Variants in SMIM10L2A observed in about 807,000 individuals in gnomAD.
The protein encoded by SMIM10L2A is small integral membrane protein 10-like protein 2A.
Under a neutral mutation model 3.0 loss-of-function variants are expected in SMIM10L2A, and 2 were observed. The ratio of observed to expected loss-of-function variants is 0.66; its 90% CI spans 0.27 to 2.08. The LOEUF is 2.08. Ranked by LOEUF, SMIM10L2A falls within the 30% of genes most tolerant of loss-of-function variation. The pLI, the probability that SMIM10L2A is intolerant of heterozygous loss-of-function variation, is 0.14. For missense variants in SMIM10L2A, 59 were observed against 66.5 expected (o/e 0.89, Z 0.39); for synonymous variants, 29 against 34.8 (o/e 0.83, Z 0.58).
At position 135,426,840 on chromosome X, in the gene SMIM10L2A, G is replaced by A. The variant is rs1408187745; in HGVS notation, c.*3570G>A. The A allele has an allele frequency of 8.8e-6, 1 of 113,199 alleles. No individual in the cohort carries two copies. Among genetic ancestry groups the A allele is most frequent in the Non-Finnish European group, 1.9e-5 (1 of 53,372 alleles). 9.3% of individuals were successfully genotyped at this position (113,199 alleles called of 1,213,427 possible). On this transcript the variant is annotated 3_prime_UTR_variant, in exon 2 of 2. Transcript: ENST00000417443. The stretch of plus-strand genomic sequence containing the variant: ...GGACTCCAGGAGACCAAAGCCCTGA[G>A]CCCTGAGCCCAGCTCTTCCACTTAC...
rs1323567827 is a variant in SMIM10L2A, at chrX:135,424,637, T to C, written c.*1367T>C. On this transcript the variant is annotated 3_prime_UTR_variant, in exon 2 of 2. Transcript: ENST00000417443. ...CATCTATCCCCATTTCCGCATCTCT[T>C]GCACTGGTACCCCGGGCGCCACGTT... 9.0e-6 allele frequency: 1 copy of C among 111,374 alleles called. No homozygotes were observed. The highest frequency in any genetic ancestry group is 2.8e-4 in the East Asian group (1 of 3,510). The allele number at this position is 111,374 out of a possible 1,213,427, so 9.2% of individuals were successfully genotyped here. A position where few individuals can be genotyped will look rare whatever the true frequency, so the allele number is the denominator to read the frequency against.
At position 135,427,977 on chromosome X, in the gene SMIM10L2A, G is replaced by A. The variant is rs1382818778; in HGVS notation, c.*4707G>A. On this transcript the variant is annotated 3_prime_UTR_variant, in exon 2 of 2. Coordinates refer to ENST00000417443, the MANE Select transcript of SMIM10L2A (RefSeq NM_203306.3). The stretch of plus-strand genomic sequence containing the variant: ...GGCTTTTGATACTCTCCAGAGTTGG[G>A]ATACCAAGTCACACTACTCACTGGA... 1.8e-5 allele frequency: 2 copies of A among 111,692 alleles called. No individual in the cohort carries two copies. Among genetic ancestry groups the A allele is most frequent in the Non-Finnish European group, 1.9e-5 (1 of 53,189 alleles). The allele number at this position is 111,692 out of a possible 1,213,427, so 9.2% of individuals were successfully genotyped here.
At position 135,425,540 on chromosome X, in the gene SMIM10L2A, C is replaced by G. The variant is rs1277604836; in HGVS notation, c.*2270C>G. The G allele has an allele frequency of 8.9e-6, 1 of 112,008 alleles. No homozygotes were observed. The highest frequency in any genetic ancestry group is 9.4e-5 in the Admixed American group (1 of 10,642). The allele number at this position is 112,008 out of a possible 1,213,427, so 9.2% of individuals were successfully genotyped here. On this transcript the variant is annotated 3_prime_UTR_variant, in exon 2 of 2. Transcript: ENST00000417443. ...TCTCTCCCAGATGGGGCCCTTGCTG[C>G]GTGACGGGGTCTCCATGCGCTTTAT... is the stretch of plus-strand genomic sequence containing the variant.
Position 135,426,760 on chromosome X carries a change from C to T in SMIM10L2A, c.*3490C>T, listed in dbSNP as rs1376444005. The T allele has an allele frequency of 1.8e-5, 2 of 112,868 alleles. No homozygotes were observed. The highest frequency in any genetic ancestry group is 6.4e-5 in the African/African-American group (2 of 31,101). 9.3% of individuals were successfully genotyped at this position (112,868 alleles called of 1,213,427 possible). ...AAGGCTTCTTGAAGAGGGAGGATCA[C>T]CCCTCCCATCCCTGCTACAGAGGAA... On this transcript the variant is annotated 3_prime_UTR_variant, in exon 2 of 2. Transcript: ENST00000417443.
At chrX:135,422,964 C>T (rs1397164758) in intron 1 of SMIM10L2A, among the ~76,000 whole-genome samples, 10 of 111,750 alleles carry the variant, frequency 8.9e-5, no homozygotes, top group African/African-American at 2.9e-4. Context: ...GTGCCTGCCT[C>T]CCTTTCTGCA....
At chrX:135,423,019 T>C (rs1345112484) in intron 1 of SMIM10L2A, among the ~76,000 whole-genome samples, 1 of 109,724 alleles carries the variant, frequency 9.1e-6, no homozygotes, top group Non-Finnish European at 1.9e-5. Context: ...TGGAGGGTAA[T>C]GGGCTGGGGG....
rs1200828718 is a variant in SMIM10L2A, at chrX:135,425,546, G to C, written c.*2276G>C. 1 of 111,958 alleles carries C rather than the reference G, an allele frequency of 8.9e-6. No individual in the cohort carries two copies. Among genetic ancestry groups the C allele is most frequent in the Admixed American group, 9.4e-5 (1 of 10,631 alleles). The allele number at this position is 111,958 out of a possible 1,213,427, so 9.2% of individuals were successfully genotyped here. A position where few individuals can be genotyped will look rare whatever the true frequency, so the allele number is the denominator to read the frequency against. On this transcript the variant is annotated 3_prime_UTR_variant, in exon 2 of 2. Coordinates refer to ENST00000417443, the MANE Select transcript of SMIM10L2A (RefSeq NM_203306.3). ...CCAGATGGGGCCCTTGCTGCGTGAC[G>C]GGGTCTCCATGCGCTTTATTTATTT... is the stretch of plus-strand genomic sequence containing the variant.
Position 135,425,871 on chromosome X carries a change from C to G in SMIM10L2A, c.*2601C>G, listed in dbSNP as rs1426120534. ...GTTGGCAGGGAGAAGCCTCTGAGGG[C>G]TAGGGCTGGGGGAGGCTGTGGCAGG... On this transcript the variant is annotated 3_prime_UTR_variant, in exon 2 of 2. Coordinates refer to ENST00000417443, the MANE Select transcript of SMIM10L2A (RefSeq NM_203306.3). 9.0e-6 allele frequency: 1 copy of G among 111,546 alleles called. No homozygotes were observed. Among genetic ancestry groups the G allele is most frequent in the African/African-American group, 3.3e-5 (1 of 30,638 alleles). 9.2% of individuals were successfully genotyped at this position (111,546 alleles called of 1,213,427 possible). A position where few individuals can be genotyped will look rare whatever the true frequency, so the allele number is the denominator to read the frequency against.
In SMIM10L2A at chrX:135,422,228, T is replaced by A; in HGVS notation, c.97T>A (p.Tyr33Asn). Reference protein sequence around the residue: ...LSRSAAARGSYGAFCKGLTRT... With the variant: ...LSRSAAARGSNGAFCKGLTRT... ...GCGCTCAGCTGCGGCCCGAGGCTCGTACGGCGCCTTCTGCAAGGGGCTCAC... is the reference window on the plus strand; with the variant it reads ...GCGCTCAGCTGCGGCCCGAGGCTCGAACGGCGCCTTCTGCAAGGGGCTCAC... The change falls in exon 1 of 2, where the codon TAC (tyrosine) becomes AAC (asparagine). Residue 33 changes from tyrosine to asparagine, a missense_variant. By Grantham distance (143) the Tyr-to-Asn change is moderately radical (BLOSUM62 -2). Transcript: ENST00000417443. The A allele has an allele frequency of 2.8e-6, 3 of 1,076,964 alleles. No homozygotes were observed. The highest frequency in any genetic ancestry group is 4.5e-5 in the South Asian group (2 of 44,873). The allele number at this position is 1,076,964 out of a possible 1,213,427, so 88.8% of individuals were successfully genotyped here.
Position 135,422,307 on chromosome X carries a change from C to T in SMIM10L2A, c.176C>T (p.Pro59Leu). 1.0e-6 allele frequency: 1 copy of T among 973,116 alleles called. No individual in the cohort carries two copies. Among genetic ancestry groups the T allele is most frequent in the Non-Finnish European group, 1.4e-6 (1 of 728,950 alleles). 80.2% of individuals were successfully genotyped at this position (973,116 alleles called of 1,213,427 possible). The change falls in exon 1 of 2, where the codon CCC (proline) becomes CTC (leucine). Residue 59 changes from proline to leucine, a missense_variant. Transcript: ENST00000417443. ...DLAWRLRMNF[P>L]YFYIVASVML... is the part of the protein sequence containing the mutation. Reference sequence around the variant, plus strand: ...GCCTGGCGGCTGCGCATGAACTTCCCCTACTTCTACATCGTGGCCTCGGTG... The same window carrying T: ...GCCTGGCGGCTGCGCATGAACTTCCTCTACTTCTACATCGTGGCCTCGGTG...
In SMIM10L2A at chrX:135,425,728, A is replaced by G. The variant is rs2085150134; in HGVS notation, c.*2458A>G. On this transcript the variant is annotated 3_prime_UTR_variant, in exon 2 of 2. Transcript: ENST00000417443. Reference sequence around the variant, plus strand: ...CTTGTTTTCTCTAAGTTTAAAAAAAAGTCCTTGGTTTAATACACTAAAATC... The same window carrying G: ...CTTGTTTTCTCTAAGTTTAAAAAAAGGTCCTTGGTTTAATACACTAAAATC... The G allele has an allele frequency of 8.9e-6, 1 of 112,095 alleles. No individual in the cohort carries two copies. Among genetic ancestry groups the G allele is most frequent in the Non-Finnish European group, 1.9e-5 (1 of 53,217 alleles). The allele number at this position is 112,095 out of a possible 1,213,427, so 9.2% of individuals were successfully genotyped here.
At position 135,427,534 on chromosome X, in the gene SMIM10L2A, A is replaced by G. The variant is rs1200351090; in HGVS notation, c.*4264A>G. ...TTGAGAAATGGGAAATACAAACAGCATGCAAAATCACATCCTACTCCTACC... is the reference window on the plus strand; with the variant it reads ...TTGAGAAATGGGAAATACAAACAGCGTGCAAAATCACATCCTACTCCTACC... On this transcript the variant is annotated 3_prime_UTR_variant, in exon 2 of 2. Coordinates refer to ENST00000417443, the MANE Select transcript of SMIM10L2A (RefSeq NM_203306.3). 6 of 112,104 alleles carry G rather than the reference A, an allele frequency of 5.4e-5. No individual in the cohort carries two copies. The highest frequency in any genetic ancestry group is 1.1e-4 in the Non-Finnish European group (6 of 53,195). 9.2% of individuals were successfully genotyped at this position (112,104 alleles called of 1,213,427 possible). A position where few individuals can be genotyped will look rare whatever the true frequency, so the allele number is the denominator to read the frequency against.
chrX:135,426,480 G>A lies in SMIM10L2A; in HGVS notation c.*3210G>A, dbSNP rs1261625011. On this transcript the variant is annotated 3_prime_UTR_variant, in exon 2 of 2. Transcript: ENST00000417443. Reference sequence around the variant, plus strand: ...CACAGGGCTATGCTCAGACTTAGGAGTGAAGACTGGGTTTAGGGGCCCTGG... The same window carrying A: ...CACAGGGCTATGCTCAGACTTAGGAATGAAGACTGGGTTTAGGGGCCCTGG... 1 of 112,511 alleles carries A rather than the reference G, an allele frequency of 8.9e-6. No individual in the cohort carries two copies. The highest frequency in any genetic ancestry group is 3.2e-5 in the African/African-American group (1 of 30,933). 9.3% of individuals were successfully genotyped at this position (112,511 alleles called of 1,213,427 possible).
At chrX:135,422,979 C>T (rs781891672) in intron 1 of SMIM10L2A, among the ~76,000 whole-genome samples, 1 of 111,040 alleles carries the variant, frequency 9.0e-6, no homozygotes, top group Admixed American at 9.3e-5. Flanking sequence ...TCTGCAGAGG[C>T]CCCCAGGGTG....
At position 135,422,019 on chromosome X, in the gene SMIM10L2A, C is replaced by A. The variant is rs1343548299; in HGVS notation, c.-113C>A. ...CGGCCTTGGGAACACGGGGGCGGGG[C>A]GGCCGCGGCTCTGGGCGACCCGCTG... On this transcript the variant is annotated 5_prime_UTR_variant, in exon 1 of 2. Coordinates refer to ENST00000417443, the MANE Select transcript of SMIM10L2A (RefSeq NM_203306.3). 7.8e-5 allele frequency: 20 copies of A among 255,625 alleles called. No homozygotes were observed. The highest frequency in any genetic ancestry group is 5.7e-4 in the African/African-American group (20 of 34,926). 21.1% of individuals were successfully genotyped at this position (255,625 alleles called of 1,213,427 possible).
rs1428119518 is a variant in SMIM10L2A at position 135,426,744 on chromosome X, T to G, written c.*3474T>G. 1 of 112,660 alleles carries G rather than the reference T, an allele frequency of 8.9e-6. No homozygotes were observed. Among genetic ancestry groups the G allele is most frequent in the African/African-American group, 3.2e-5 (1 of 30,996 alleles). The allele number at this position is 112,660 out of a possible 1,213,427, so 9.3% of individuals were successfully genotyped here. A position where few individuals can be genotyped will look rare whatever the true frequency, so the allele number is the denominator to read the frequency against. On this transcript the variant is annotated 3_prime_UTR_variant, in exon 2 of 2. Transcript: ENST00000417443. ...CCCAGAGCCTGGCTCCAAGGCTTCT[T>G]GAAGAGGGAGGATCACCCCTCCCAT...
rs190958595 is a variant in SMIM10L2A, at chrX:135,423,567, G to C, written c.*363-66G>C. 1.2e-3 allele frequency: 134 copies of C among 113,866 alleles called. 4 individuals carry two copies. In the East Asian group the frequency reaches 0.027, roughly 23 times the overall value. The allele number at this position is 113,866 out of a possible 1,213,427, so 9.4% of individuals were successfully genotyped here. ...GGGGCTTGCAGAGGAGGCCATTCCC[G>C]GGGGAAGCAAGGACGTGTCTGGTGG... On this transcript the variant is annotated intron_variant, in intron 1 of 1. Transcript: ENST00000417443.
intron 1 of SMIM10L2A, among the ~76,000 whole-genome samples, chrX:135,423,096 A>T (rs1278955077): frequency 1.8e-5 from 2 of 112,156 alleles, no homozygotes; most frequent in Non-Finnish European, 3.8e-5. Flanking sequence ...GTCGGTGGGC[A>T]TAGGGAGGAC....
chrX:135,422,645 G>A lies in SMIM10L2A; in HGVS notation c.*277G>A. ...GAAACTACCTGGGCTCGGCCGACCTGTTGCCTCATATTGGCCAAAGAGGGG... is the reference window on the plus strand; with the variant it reads ...GAAACTACCTGGGCTCGGCCGACCTATTGCCTCATATTGGCCAAAGAGGGG... On this transcript the variant is annotated 3_prime_UTR_variant, in exon 1 of 2. Coordinates refer to ENST00000417443, the MANE Select transcript of SMIM10L2A (RefSeq NM_203306.3). The A allele has an allele frequency of 5.6e-6, 1 of 177,589 alleles. No individual in the cohort carries two copies. The highest frequency in any genetic ancestry group is 1.1e-5 in the Non-Finnish European group (1 of 93,913). 14.6% of individuals were successfully genotyped at this position (177,589 alleles called of 1,213,427 possible). A position where few individuals can be genotyped will look rare whatever the true frequency, so the allele number is the denominator to read the frequency against.
Sources: allele counts gnomAD v4.1 joint callset (sites outside exome capture counted in the v4.1 genomes callset), GRCh38; gene constraint gnomAD v4.1.1; transcripts MANE v1.5; gene names NCBI Gene and HGNC (gene_info 2026-07-23, HGNC 2026-07-21).